Variants in RPA2 observed in about 807,000 individuals in gnomAD.
RPA2 encodes replication protein A2.
In RPA2, 22 loss-of-function variants were observed where a neutral mutation model predicts 33.4. That is an observed-to-expected ratio of 0.66 (90% CI 0.47 to 0.94). The LOEUF (loss-of-function observed/expected upper bound fraction) is 0.94, where lower values mean the gene tolerates loss of function less well. RPA2 is among the 40% of genes least tolerant of loss of function. RPA2 has a pLI of 0.00. For missense variants in RPA2, 279 were observed against 329.9 expected, an observed-to-expected ratio of 0.85 and a Z score of 1.19; for synonymous variants, 109 against 114.9, an observed-to-expected ratio of 0.95 and a Z score of 0.33.
chr1:27,908,619 C>G (rs12040493), intron 2 of RPA2, among the ~76,000 whole-genome samples: 5 of 151,818 alleles, frequency 3.3e-5, no homozygotes, highest in South Asian at 2.1e-4. Flanking sequence ...TCTCAGCCCC[C>G]CCGAGTAGCT....
At chr1:27,911,706 G>A (rs115821721) in intron 2 of RPA2, among the ~76,000 whole-genome samples, 2,162 of 152,214 alleles carry the variant, frequency 0.014, 60 homozygotes, top group African/African-American at 0.05. Flanking sequence ...AGCTATGTAA[G>A]CTTAGGCAGT....
In RPA2 at chr1:27,891,998, A is replaced by G. The variant is rs2089829566; in HGVS notation, c.*165T>C. On this transcript the variant is annotated 3_prime_UTR_variant, in exon 9 of 9. Coordinates refer to ENST00000373912, the MANE Select transcript of RPA2 (RefSeq NM_002946.5). ...CCCTCTGAGCTTCAAACAAAACAAAATAAAACAGAAGAGCAGTAAGTTTCA... is the reference window on the plus strand; with the variant it reads ...CCCTCTGAGCTTCAAACAAAACAAAGTAAAACAGAAGAGCAGTAAGTTTCA... The G allele has an allele frequency of 1.8e-6, 1 of 548,298 alleles. No homozygotes were observed. The highest frequency in any genetic ancestry group is 3.3e-6 in the Non-Finnish European group (1 of 305,362). The allele number at this position is 548,298 out of a possible 1,614,324, so 34.0% of individuals were successfully genotyped here.
upstream of RPA2, chr1:27,914,708 G>A: frequency 5.0e-6 from 8 of 1,605,640 alleles, no homozygotes; most frequent in Non-Finnish European, 6.8e-6. Flanking sequence ...AAAAGCCTCC[G>A]CGGCCATCTT....
intron 4 of RPA2, among the ~76,000 whole-genome samples, chr1:27,903,656 T>C (rs1164307789): frequency 6.8e-6 from 1 of 147,976 alleles, no homozygotes; most frequent in African/African-American, 2.5e-5. Flanking sequence ...GAAGCAGAGG[T>C]TGCAGCGAGC....
At position 27,910,883 on chromosome 1, in the gene RPA2, C is replaced by A. The variant is rs138962851; in HGVS notation, c.117+3180G>T. On this transcript the variant is annotated intron_variant, in intron 2 of 8. Transcript: ENST00000373912. ...ATTTTAAAAGAAAAAAAGAATAGGG[C>A]GTTTACCTAACTTTTAACTGTGGAA... 9.9e-5 allele frequency among the ~76,000 whole-genome samples: 15 copies of A among 152,016 alleles called. 1 individual carries two copies. In the East Asian group the frequency reaches 2.9e-3, roughly 29 times the overall value.
chr1:27,914,369 G>A (rs959205748), intron 1 of RPA2, 65 bp downstream of exon 1: 2 of 1,613,876 alleles, frequency 1.2e-6, no homozygotes, highest in Non-Finnish European at 1.7e-6. Flanking sequence ...CGGACCCTAG[G>A]CTCGCCCTCT....
intron 4 of RPA2, among the ~76,000 whole-genome samples, chr1:27,899,551 G>A (rs531088531): frequency 1.2e-4 from 17 of 145,936 alleles, no homozygotes; most frequent in African/African-American, 4.3e-4. Context: ...CAAAACAATT[G>A]TATTCCCATA....
intron 4 of RPA2, among the ~76,000 whole-genome samples, chr1:27,901,829 G>A (rs1410931726): frequency 2.6e-5 from 4 of 151,794 alleles, no homozygotes; most frequent in Non-Finnish European, 5.9e-5. Flanking sequence ...TGAAATTCTG[G>A]CCTCAAGTGA....
intron 2 of RPA2, among the ~76,000 whole-genome samples, chr1:27,908,820 AGAC>A (rs2090063498): frequency 6.6e-6 from 1 of 152,230 alleles, no homozygotes; most frequent in Admixed American, 6.5e-5. Flanking sequence ...TAAAGCAGCC[AGAC>A]AACAGTGTAA....
intron 2 of RPA2, among the ~76,000 whole-genome samples, chr1:27,909,406 T>C (rs564351406): frequency 2.0e-5 from 3 of 152,240 alleles, no homozygotes; most frequent in East Asian, 3.9e-4. Context: ...AGGGTTAAGA[T>C]TGTGGCTCTA....
intron 2 of RPA2, among the ~76,000 whole-genome samples, chr1:27,911,535 C>A (rs543252284): frequency 6.6e-4 from 101 of 152,136 alleles, no homozygotes; most frequent in Non-Finnish European, 1.1e-3. Flanking sequence ...AATCATCTAC[C>A]TTGTTTTCTC....
chr1:27,895,757 AC>A (rs1274638919), intron 6 of RPA2, among the ~76,000 whole-genome samples: 9 of 152,024 alleles, frequency 5.9e-5, no homozygotes, highest in African/African-American at 2.2e-4. Context: ...AAAACAAAAA[AC>A]CCAAATAAAC....
chr1:27,907,761 G>A (rs751715616), intron 2 of RPA2, among the ~76,000 whole-genome samples: 17 of 152,010 alleles, frequency 1.1e-4, no homozygotes, highest in Non-Finnish European at 1.5e-4. Context: ...AAAGGTAGAA[G>A]AATAGCTTCT....
intron 4 of RPA2, among the ~76,000 whole-genome samples, chr1:27,902,491 C>T (rs1272149137): frequency 6.6e-6 from 1 of 151,954 alleles, no homozygotes; most frequent in Non-Finnish European, 1.5e-5. Context: ...ACCATGTTGG[C>T]CAGGCTGGTC....
At chr1:27,893,900 T>C in intron 8 of RPA2, 112 bp downstream of exon 8, 6 of 840,532 alleles carry the variant, frequency 7.1e-6, no homozygotes, top group Non-Finnish European at 1.1e-5. Context: ...TGAGCCACCA[T>C]GCCCGGCTGC....
chr1:27,904,822 T>C (rs1451436717), intron 4 of RPA2, among the ~76,000 whole-genome samples: 5 of 152,062 alleles, frequency 3.3e-5, no homozygotes, highest in Admixed American at 6.6e-5. Flanking sequence ...CAGCTCATTT[T>C]TGTATCATTA....
intron 6 of RPA2, among the ~76,000 whole-genome samples, chr1:27,895,250 C>T (rs111893791): frequency 6.6e-6 from 1 of 152,234 alleles, no homozygotes; most frequent in African/African-American, 2.4e-5. Flanking sequence ...GGTGAAACCC[C>T]GCCTGTATTA....
At chr1:27,914,702 G>A (rs974102479), upstream of RPA2, 2 of 1,608,066 alleles carry the variant, frequency 1.2e-6, no homozygotes, top group Non-Finnish European at 1.7e-6. Flanking sequence ...GGCTCCAAAA[G>A]CCTCCGCGGC....
In RPA2 at chr1:27,914,435, G is replaced by A. The variant is rs777779644; in HGVS notation, c.9C>T (p.Asn3=). The A allele has an allele frequency of 1.9e-6, 3 of 1,601,430 alleles. No homozygotes were observed. The highest frequency in any genetic ancestry group is 2.6e-6 in the Non-Finnish European group (3 of 1,172,954). The change falls in exon 1 of 9, where the codon AAC becomes AAT. Residue 3 remains asparagine (N), a splice_region_variant and synonymous_variant. Coordinates refer to ENST00000373912, the MANE Select transcript of RPA2 (RefSeq NM_002946.5). MW[N]SGFESYGSSS... ...TCCACCCCGCACCCCCATCATTACT[G>A]TTCCACATCTTGGTCACGATTCTCC... is the stretch of plus-strand genomic sequence containing the variant.
Sources: allele counts gnomAD v4.1 joint callset (sites outside exome capture counted in the v4.1 genomes callset), GRCh38; gene constraint gnomAD v4.1.1; transcripts MANE v1.5; gene names NCBI Gene and HGNC (gene_info 2026-07-23, HGNC 2026-07-21).